Variants in SEMA6D observed in about 807,000 individuals in gnomAD.
SEMA6D encodes semaphorin 6D.
A neutral mutation model predicts 106.6 loss-of-function variants in SEMA6D; 35 were observed. That is an observed-to-expected ratio of 0.33 (90% CI 0.25 to 0.44). The LOEUF (loss-of-function observed/expected upper bound fraction) is 0.44. Ranked by LOEUF, SEMA6D falls within the 20% of genes least tolerant of loss-of-function variation. SEMA6D has a pLI of 1.00. For missense variants in SEMA6D, 1,185 were observed against 1,345.9 expected (o/e 0.88, Z 1.87); for synonymous variants, 499 against 487.7 (o/e 1.02, Z -0.31).
chr15:47,264,557 G>A (rs1483482818), intron 1 of SEMA6D, among the ~76,000 whole-genome samples: 2 of 151,944 alleles, frequency 1.3e-5, no homozygotes, highest in Non-Finnish European at 2.9e-5. Context: ...TTCAACAATT[G>A]TCATTGTATA....
intron 3 of SEMA6D, among the ~76,000 whole-genome samples, chr15:47,563,078 A>G (rs1352886636): frequency 6.6e-6 from 1 of 152,224 alleles, no homozygotes. Context: ...TGCTAGGTGT[A>G]AAAGACTACA....
chr15:47,250,748 G>A (rs1180216310), intron 1 of SEMA6D, among the ~76,000 whole-genome samples: 1 of 152,188 alleles, frequency 6.6e-6, no homozygotes, highest in Non-Finnish European at 1.5e-5. Context: ...TGAGAGCTGA[G>A]GACCAGAGGG....
In SEMA6D at chr15:47,224,165, G is replaced by GA. The variant is rs11334920; in HGVS notation, c.-239+39756dup. ...TAAAACTTAAAGTATAATAATAAAA[G>GA]AAAAAAAAATAATAAAATAAAATTA... On this transcript the variant is annotated intron_variant, in intron 1 of 19. Transcript: ENST00000558014. Among the ~76,000 whole-genome samples, 7 of 146,488 alleles carry GA rather than the reference G, an allele frequency of 4.8e-5. No individual in the cohort carries two copies. In the East Asian group the frequency reaches 6.1e-4, roughly 13 times the overall value.
chr15:47,651,329 AG>A (rs2077686227), intron 4 of SEMA6D, among the ~76,000 whole-genome samples: 1 of 152,128 alleles, frequency 6.6e-6, no homozygotes, highest in African/African-American at 2.4e-5. Context: ...ACTTGAGCCC[AG>A]GAATTGGAGG....
intron 1 of SEMA6D, among the ~76,000 whole-genome samples, chr15:47,273,135 A>G (rs1223316212): frequency 6.6e-6 from 1 of 151,996 alleles, no homozygotes; most frequent in African/African-American, 2.4e-5. Context: ...TTTGTTGTGG[A>G]TCTTTTAGGG....
chr15:47,204,226 C>T (rs1236994645), intron 1 of SEMA6D, among the ~76,000 whole-genome samples: 1 of 152,132 alleles, frequency 6.6e-6, no homozygotes, highest in Non-Finnish European at 1.5e-5. Flanking sequence ...AAAATTTAAC[C>T]TCCTGTGGTG....
At chr15:47,638,114 C>CA (rs11429221) in intron 4 of SEMA6D, among the ~76,000 whole-genome samples, 58,979 of 150,836 alleles carry the variant, frequency 0.39, 11,838 homozygotes, top group African/African-American at 0.48. Flanking sequence ...GTATCTTAGA[C>CA]AAAAAAAAAC....
At chr15:47,352,870 CA>C (rs2038380659) in intron 1 of SEMA6D, among the ~76,000 whole-genome samples, 1 of 152,188 alleles carries the variant, frequency 6.6e-6, no homozygotes, top group South Asian at 2.1e-4. Context: ...CCTGCCTATG[CA>C]GTTAACATCA....
At chr15:47,307,620 G>C (rs1325302812) in intron 1 of SEMA6D, among the ~76,000 whole-genome samples, 1 of 152,096 alleles carries the variant, frequency 6.6e-6, no homozygotes, top group Admixed American at 6.6e-5. Flanking sequence ...AACATAAAGT[G>C]GGGAATTCAG....
intron 1 of SEMA6D, among the ~76,000 whole-genome samples, chr15:47,299,673 G>T (rs2035942791): frequency 6.6e-6 from 1 of 152,188 alleles, no homozygotes; most frequent in Admixed American, 6.5e-5. Flanking sequence ...TATTCTTGAT[G>T]ACAAACTACC....
chr15:47,443,237 C>A (rs964391681), intron 2 of SEMA6D, among the ~76,000 whole-genome samples: 2 of 152,078 alleles, frequency 1.3e-5, no homozygotes, highest in Non-Finnish European at 2.9e-5. Context: ...AGTCTGTGTA[C>A]CCTCTCTTTG....
At chr15:47,597,860 TTA>T (rs955864160) in intron 3 of SEMA6D, among the ~76,000 whole-genome samples, 3 of 149,066 alleles carry the variant, frequency 2.0e-5, no homozygotes, top group African/African-American at 7.4e-5. Context: ...TATATATATA[TTA>T]TATATATATA....
intron 3 of SEMA6D, among the ~76,000 whole-genome samples, chr15:47,594,271 C>G (rs1268832430): frequency 1.3e-5 from 2 of 152,142 alleles, no homozygotes; most frequent in Admixed American, 6.5e-5. Flanking sequence ...TTGCCCTGGT[C>G]CCAGGTTTGG....
intron 4 of SEMA6D, among the ~76,000 whole-genome samples, chr15:47,693,210 G>A (rs1230822906): frequency 6.6e-6 from 1 of 152,112 alleles, no homozygotes; most frequent in African/African-American, 2.4e-5. Context: ...CACAGGGAAA[G>A]GCAATGTGAA....
chr15:47,407,280 A>C (rs1306057014), intron 1 of SEMA6D, among the ~76,000 whole-genome samples: 1 of 150,358 alleles, frequency 6.7e-6, no homozygotes, highest in Non-Finnish European at 1.5e-5. Flanking sequence ...GAGGCAGGAA[A>C]ATCGCTTGAG....
At chr15:47,468,620 A>T (rs2042733141) in intron 2 of SEMA6D, among the ~76,000 whole-genome samples, 1 of 152,178 alleles carries the variant, frequency 6.6e-6, no homozygotes, top group Non-Finnish European at 1.5e-5. Context: ...CTTCCGAAAG[A>T]TCACCTGCTT....
Position 47,266,164 on chromosome 15 carries a change from T to A in SEMA6D, c.-239+81746T>A, listed in dbSNP as rs1418480844. ...CATTCTGACAATCTGCTCCACAGTTTTGCCTATCTCTCCAATGAATCTCCT... is the reference window on the plus strand; with the variant it reads ...CATTCTGACAATCTGCTCCACAGTTATGCCTATCTCTCCAATGAATCTCCT... On this transcript the variant is annotated intron_variant, in intron 1 of 19. Transcript: ENST00000558014. 2.0e-5 allele frequency among the ~76,000 whole-genome samples: 3 copies of A among 152,146 alleles called. No individual in the cohort carries two copies. In the East Asian group the frequency reaches 5.8e-4, roughly 29 times the overall value.
At chr15:47,599,449 CT>C (rs34592398) in intron 3 of SEMA6D, among the ~76,000 whole-genome samples, 17 of 146,734 alleles carry the variant, frequency 1.2e-4, no homozygotes, top group African/African-American at 2.2e-4. Flanking sequence ...CTGCCTTACG[CT>C]TTTTTTTTTT....
At chr15:47,648,739 T>G (rs1429309104) in intron 4 of SEMA6D, among the ~76,000 whole-genome samples, 1 of 152,248 alleles carries the variant, frequency 6.6e-6, no homozygotes, top group Non-Finnish European at 1.5e-5. Flanking sequence ...TTATTAATCA[T>G]TCTTAAATGT....
Sources: gnomAD v4.1 joint callset for allele counts (sites outside exome capture counted in the v4.1 genomes callset) on GRCh38, gnomAD v4.1.1 for gene constraint, MANE v1.5 for transcripts, NCBI Gene and HGNC (gene_info 2026-07-23, HGNC 2026-07-21) for gene names.